Variants in MAGI1 observed in about 807,000 individuals in gnomAD.
The protein encoded by MAGI1 is membrane associated guanylate kinase, WW and PDZ domain containing 1, also known as membrane-associated guanylate kinase, WW and PDZ domain-containing protein 1.
Under a neutral mutation model 139.9 loss-of-function variants are expected in MAGI1, and 58 were observed. The observed-to-expected ratio is 0.41, with a 90% CI of 0.34 to 0.52. The LOEUF (loss-of-function observed/expected upper bound fraction) is 0.52. MAGI1 is among the 20% of genes least tolerant of loss of function. MAGI1 has a pLI of 0.12. For synonymous variants in MAGI1, 812 were observed against 737.9 expected (o/e 1.10, Z -1.63); for missense variants, 1,874 against 1,901.6 (o/e 0.99, Z 0.27).
chr3:65,469,382 A>G (rs1487117963), intron 5 of MAGI1, among the ~76,000 whole-genome samples: 7 of 152,108 alleles, frequency 4.6e-5, no homozygotes, highest in Admixed American at 3.9e-4. Flanking sequence ...GTGAATCTCA[A>G]TGATAGGATA....
At chr3:65,695,634 G>C (rs2089108033) in intron 1 of MAGI1, among the ~76,000 whole-genome samples, 1 of 152,140 alleles carries the variant, frequency 6.6e-6, no homozygotes, top group Admixed American at 6.5e-5. Context: ...GTATTGCTGG[G>C]GGATGAATGA....
At chr3:65,560,886 G>A (rs995434630) in intron 2 of MAGI1, among the ~76,000 whole-genome samples, 2 of 152,226 alleles carry the variant, frequency 1.3e-5, no homozygotes, top group African/African-American at 4.8e-5. Flanking sequence ...ATGAGCATCA[G>A]AGAAAGTGAT....
chr3:65,918,057 C>T (rs1228048343), intron 1 of MAGI1, among the ~76,000 whole-genome samples: 1 of 152,132 alleles, frequency 6.6e-6, no homozygotes, highest in Non-Finnish European at 1.5e-5. Flanking sequence ...TTTGTACCTT[C>T]CTCTCAATTT....
At chr3:65,932,589 C>G (rs11131042) in intron 1 of MAGI1, among the ~76,000 whole-genome samples, 121,868 of 152,068 alleles carry the variant, frequency 0.8, 48,882 homozygotes, top group Middle Eastern at 0.86. Flanking sequence ...CCTTAGGCAT[C>G]GGCACCTAAT....
chr3:65,886,501 T>C (rs1414553690), intron 1 of MAGI1, among the ~76,000 whole-genome samples: 1 of 151,978 alleles, frequency 6.6e-6, no homozygotes, highest in African/African-American at 2.4e-5. Context: ...CTGCCCTCAT[T>C]AAAGGCTTTT....
At chr3:65,805,069 A>C (rs1316543807) in intron 1 of MAGI1, among the ~76,000 whole-genome samples, 1 of 152,222 alleles carries the variant, frequency 6.6e-6, no homozygotes, top group African/African-American at 2.4e-5. Flanking sequence ...ATTGTGAACA[A>C]AACCAAAAAT....
chr3:65,917,376 G>C (rs989624438), intron 1 of MAGI1, among the ~76,000 whole-genome samples: 5 of 152,176 alleles, frequency 3.3e-5, no homozygotes, highest in African/African-American at 1.2e-4. Context: ...TTGCCACTTT[G>C]GAAGACAGTT....
rs1243750485 is a variant in MAGI1 at position 65,401,463 on chromosome 3, T to A, written c.2175A>T (p.Pro725=). 1 of 1,531,740 alleles carries A rather than the reference T, an allele frequency of 6.5e-7. No homozygotes were observed. Among genetic ancestry groups the A allele is most frequent in the East Asian group, 2.6e-5 (1 of 38,262 alleles). The allele number at this position is 1,531,740 out of a possible 1,614,324, so 94.9% of individuals were successfully genotyped here. A position where few individuals can be genotyped will look rare whatever the true frequency, so the allele number is the denominator to read the frequency against. Residue 725 remains proline (P), a synonymous_variant, in exon 13 of 23, where the codon CCA becomes CCT. Transcript: ENST00000402939. ...VTLLVQRGGL[P]VPKKSPKSQP... ...CCGACTTTGGGCTCTTCTTGGGAAC[T>A]GGCAGCCCTGGAAAAAATGCAACAA...
At chr3:65,773,350 C>G (rs2038109777) in intron 1 of MAGI1, among the ~76,000 whole-genome samples, 2 of 151,802 alleles carry the variant, frequency 1.3e-5, no homozygotes, top group Non-Finnish European at 2.9e-5. Context: ...CTAGTCAACA[C>G]AGTGAAACCT....
chr3:65,668,153 C>A (rs566981834), intron 1 of MAGI1, among the ~76,000 whole-genome samples: 1 of 152,140 alleles, frequency 6.6e-6, no homozygotes, highest in South Asian at 2.1e-4. Context: ...ACTCTTTGTG[C>A]CTCAGTTTTT....
At chr3:65,503,122 G>A (rs2077149648) in intron 2 of MAGI1, among the ~76,000 whole-genome samples, 1 of 152,154 alleles carries the variant, frequency 6.6e-6, no homozygotes, top group African/African-American at 2.4e-5. Context: ...AGTTGAAAAG[G>A]TAAGATCCTT....
At chr3:65,528,755 A>G (rs1254154212) in intron 2 of MAGI1, among the ~76,000 whole-genome samples, 2 of 152,224 alleles carry the variant, frequency 1.3e-5, no homozygotes, top group Non-Finnish European at 2.9e-5. Flanking sequence ...ACCATTCAAA[A>G]TACTATGGAG....
chr3:65,472,632 G>A (rs553890320), intron 4 of MAGI1, among the ~76,000 whole-genome samples: 77 of 152,252 alleles, frequency 5.1e-4, no homozygotes, highest in Non-Finnish European at 8.7e-4. Flanking sequence ...TTGCCCTGCC[G>A]CCAATGAGCA....
intron 2 of MAGI1, among the ~76,000 whole-genome samples, chr3:65,509,281 G>T (rs930928358): frequency 5.3e-5 from 8 of 152,152 alleles, no homozygotes; most frequent in Admixed American, 3.3e-4. Flanking sequence ...GTTACATTTG[G>T]GTTTTGTTTT....
At position 65,361,226 on chromosome 3, in the gene MAGI1, G is replaced by A. The variant is rs1228956693; in HGVS notation, c.3607C>T (p.Arg1203Trp). Residue 1203 changes from arginine (R) to tryptophan (W), a missense_variant, in exon 22 of 23, where the codon CGG (arginine) becomes TGG (tryptophan). Arg to Trp is a moderately radical substitution (Grantham distance 101, BLOSUM62 -3). Coordinates refer to ENST00000402939, the MANE Select transcript of MAGI1 (RefSeq NM_001033057.2). The stretch of plus-strand genomic sequence containing the variant: ...TATTCTGGTACTGAGCCGTCTCCCC[G>A]CTTCAGAAACAGACGAACTCTGCGG... ...GGRRVRLFLK[R>W]GDGSVPEYDP... is the part of the protein sequence containing the mutation. 10 of 1,613,988 alleles carry A rather than the reference G, an allele frequency of 6.2e-6. No individual in the cohort carries two copies. Among genetic ancestry groups the A allele is most frequent in the Middle Eastern group, 1.6e-4 (1 of 6,084 alleles).
chr3:65,796,907 C>G (rs1218099266), intron 1 of MAGI1, among the ~76,000 whole-genome samples: 2 of 152,190 alleles, frequency 1.3e-5, no homozygotes, highest in African/African-American at 2.4e-5. Flanking sequence ...GCCTCAGGGC[C>G]ATAGTTTGAG....
intron 1 of MAGI1, among the ~76,000 whole-genome samples, chr3:66,037,383 C>T (rs2068986133): frequency 6.6e-6 from 1 of 152,144 alleles, no homozygotes; most frequent in East Asian, 1.9e-4. Context: ...CCTTCCCCCT[C>T]TCCCCCTCCC....
At chr3:65,872,423 T>C (rs914991175) in intron 1 of MAGI1, among the ~76,000 whole-genome samples, 75 of 152,334 alleles carry the variant, frequency 4.9e-4, no homozygotes, top group African/African-American at 1.7e-3. Context: ...TTCTCCATTC[T>C]ACCTTCATCA....
At chr3:66,008,255 G>A (rs1271547021) in intron 1 of MAGI1, among the ~76,000 whole-genome samples, 2 of 152,150 alleles carry the variant, frequency 1.3e-5, no homozygotes, top group East Asian at 3.9e-4. Context: ...AGCATCACGT[G>A]GGAGTTTGTT....
Sources: gnomAD v4.1 joint callset for allele counts (sites outside exome capture counted in the v4.1 genomes callset) on GRCh38, gnomAD v4.1.1 for gene constraint, MANE v1.5 for transcripts, NCBI Gene and HGNC (gene_info 2026-07-23, HGNC 2026-07-21) for gene names.